ALDH1A2: variants seen among roughly 807,000 people sequenced by gnomAD.
ALDH1A2 encodes aldehyde dehydrogenase 1 family member A2.
In ALDH1A2, 27 loss-of-function variants were observed where a neutral mutation model predicts 60.3. The ratio of observed to expected loss-of-function variants is 0.45; its 90% CI spans 0.33 to 0.62. The LOEUF (loss-of-function observed/expected upper bound fraction) is 0.62, where lower values mean the gene tolerates loss of function less well. Ranked by LOEUF, ALDH1A2 falls within the 20% of genes least tolerant of loss-of-function variation. The pLI is 0.02. For missense variants in ALDH1A2, 581 were observed against 643.8 expected (o/e 0.90, Z 1.06); for synonymous variants, 289 against 232.4 (o/e 1.24, Z -2.21).
intron 4 of ALDH1A2, among the ~76,000 whole-genome samples, chr15:58,008,554 G>C (rs1305781162): frequency 6.6e-6 from 1 of 152,090 alleles, no homozygotes; most frequent in Non-Finnish European, 1.5e-5. Context: ...TCCTGAGGAA[G>C]TAAAAGAAAA....
chr15:58,058,570 CTT>C (rs1261355760), intron 1 of ALDH1A2, among the ~76,000 whole-genome samples: 1 of 149,202 alleles, frequency 6.7e-6, no homozygotes, highest in Non-Finnish European at 1.5e-5. Flanking sequence ...TAAAATATAA[CTT>C]TTTAATATTT....
chr15:58,032,915 G>T (rs1264540432), intron 1 of ALDH1A2, among the ~76,000 whole-genome samples: 1 of 151,912 alleles, frequency 6.6e-6, no homozygotes, highest in African/African-American at 2.4e-5. Context: ...AGTAAAATAA[G>T]CCAGGCATAA....
chr15:58,059,284 T>C (rs189747269), intron 1 of ALDH1A2, among the ~76,000 whole-genome samples: 3 of 152,202 alleles, frequency 2.0e-5, no homozygotes, highest in Non-Finnish European at 4.4e-5. Flanking sequence ...GGGAAATGAA[T>C]GGCTTTGAAA....
chr15:58,016,837 G>T (rs1294454155), intron 1 of ALDH1A2, among the ~76,000 whole-genome samples: 3 of 152,090 alleles, frequency 2.0e-5, no homozygotes, highest in Non-Finnish European at 4.4e-5. Flanking sequence ...ATTGTGTTGT[G>T]TAATACATCT....
At chr15:58,029,849 ATC>A (rs1415983323) in intron 1 of ALDH1A2, among the ~76,000 whole-genome samples, 3 of 152,190 alleles carry the variant, frequency 2.0e-5, no homozygotes, top group African/African-American at 7.2e-5. Flanking sequence ...AAGAAGCTGA[ATC>A]TCTGAATAGA....
Position 58,014,207 on chromosome 15 carries a change from T to C in ALDH1A2, c.192A>G (p.Glu64=). 1.9e-6 allele frequency: 3 copies of C among 1,614,128 alleles called. No homozygotes were observed. Among genetic ancestry groups the C allele is most frequent in the Middle Eastern group, 1.7e-4 (1 of 6,060 alleles). Residue 64 remains glutamate (E), a synonymous_variant, in exon 2 of 13, where the codon GAA becomes GAG. Transcript: ENST00000249750. Reference sequence around the variant, plus strand: ...CTGCTTCTTGAACTTCACACACCTGTTCTCCTGTGGCTGGATTATAGACAG... The same window carrying C: ...CTGCTTCTTGAACTTCACACACCTGCTCTCCTGTGGCTGGATTATAGACAG... ...VFPVYNPATG[E]QVCEVQEADK...
At chr15:58,031,411 C>T (rs1009075042) in intron 1 of ALDH1A2, among the ~76,000 whole-genome samples, 1 of 152,048 alleles carries the variant, frequency 6.6e-6, no homozygotes, top group African/African-American at 2.4e-5. Flanking sequence ...CCGTCAAAAC[C>T]CTAGAAGAAA....
intron 1 of ALDH1A2, among the ~76,000 whole-genome samples, chr15:58,031,027 A>T (rs1896224453): frequency 6.6e-6 from 1 of 152,068 alleles, no homozygotes; most frequent in Non-Finnish European, 1.5e-5. Context: ...ACTGGAAAAA[A>T]CTAAAGTTCA....
intron 1 of ALDH1A2, among the ~76,000 whole-genome samples, chr15:58,030,896 G>T (rs943166925): frequency 1.3e-5 from 2 of 152,036 alleles, no homozygotes. Flanking sequence ...ACAAACAGAC[G>T]GAAGAACATT....
intron 7 of ALDH1A2, among the ~76,000 whole-genome samples, chr15:57,982,079 C>A (rs1259122342): frequency 6.6e-6 from 1 of 152,156 alleles, no homozygotes; most frequent in Non-Finnish European, 1.5e-5. Context: ...TGTGGGTTAA[C>A]AGATTAGTAC....
intron 1 of ALDH1A2, among the ~76,000 whole-genome samples, chr15:58,022,391 G>A (rs1290207608): frequency 6.6e-6 from 1 of 152,068 alleles, no homozygotes; most frequent in Non-Finnish European, 1.5e-5. Context: ...GCACATCACA[G>A]CCACTCCCAA....
chr15:57,962,238 G>A (rs1849123066), intron 9 of ALDH1A2, 62 bp from the exon 10 acceptor site: 6 of 1,576,444 alleles, frequency 3.8e-6, no homozygotes, highest in Non-Finnish European at 5.2e-6. Context: ...AAATAAGTAT[G>A]TTCTTGAGAA....
In ALDH1A2 at chr15:58,065,538, G is replaced by T. The variant is rs1897154583; in HGVS notation, c.113C>A (p.Thr38Asn). ...GGGCGCTGGGCGGCCGCTTACCTTG[G>T]TGTACTTAATTTCGAGATTGGGCGT... is the stretch of plus-strand genomic sequence containing the variant. ...SPTPNLEIKY[T>N]KIFINNEWQN... Residue 38 changes from threonine (T) to asparagine (N), a missense_variant, in exon 1 of 13, where the codon ACC becomes AAC. Thr to Asn is a moderately conservative substitution (Grantham distance 65, BLOSUM62 0). Transcript: ENST00000249750. The T allele has an allele frequency of 6.2e-7, 1 of 1,612,952 alleles. No individual in the cohort carries two copies. Among genetic ancestry groups the T allele is most frequent in the Non-Finnish European group, 8.5e-7 (1 of 1,178,978 alleles).
At chr15:58,038,586 T>C (rs1334278659) in intron 1 of ALDH1A2, 1 of 151,770 alleles carries the variant, frequency 6.6e-6, no homozygotes, top group Non-Finnish European at 1.5e-5. Context: ...AACAACTAAC[T>C]GGTCTGATCA....
chr15:58,002,733 A>C (rs187248217), intron 4 of ALDH1A2, among the ~76,000 whole-genome samples: 4 of 152,076 alleles, frequency 2.6e-5, no homozygotes, highest in Admixed American at 2.0e-4. Context: ...AAAAATCTGT[A>C]ACACAATTCA....
At chr15:58,060,136 G>A (rs1194178496) in intron 1 of ALDH1A2, among the ~76,000 whole-genome samples, 1 of 152,108 alleles carries the variant, frequency 6.6e-6, no homozygotes, top group Non-Finnish European at 1.5e-5. Flanking sequence ...GGCCAGGTTG[G>A]TGTCAAACTC....
intron 4 of ALDH1A2, among the ~76,000 whole-genome samples, chr15:58,002,777 T>C (rs1895317556): frequency 6.6e-6 from 1 of 151,906 alleles, no homozygotes. Context: ...CCCTAATTTG[T>C]AGACAGAATT....
At chr15:57,978,541 A>G (rs1191112570) in intron 7 of ALDH1A2, among the ~76,000 whole-genome samples, 1 of 152,052 alleles carries the variant, frequency 6.6e-6, no homozygotes, top group Non-Finnish European at 1.5e-5. Context: ...AGCCGACTGG[A>G]TTGTGGTGGA....
intron 1 of ALDH1A2, among the ~76,000 whole-genome samples, chr15:58,046,330 ACAAG>A (rs796845611): frequency 1.3e-5 from 2 of 152,198 alleles, no homozygotes; most frequent in South Asian, 4.1e-4. Context: ...TAGCAAGGTA[ACAAG>A]CAAGTCTGTT....
Sources: allele counts gnomAD v4.1 joint callset (sites outside exome capture counted in the v4.1 genomes callset), GRCh38; gene constraint gnomAD v4.1.1; transcripts MANE v1.5; gene names NCBI Gene and HGNC (gene_info 2026-07-23, HGNC 2026-07-21).